DPP10: variants seen among roughly 807,000 people sequenced by gnomAD.
DPP10 encodes inactive dipeptidyl peptidase 10.
DPP10 carries 33 observed loss-of-function variants against 120.9 expected under a neutral mutation model. The ratio of observed to expected loss-of-function variants is 0.27; its 90% CI spans 0.21 to 0.37. The LOEUF is 0.37. DPP10 is among the 10% of genes least tolerant of loss of function. DPP10 has a pLI of 1.00. For missense variants in DPP10, 816 were observed against 942.8 expected, an observed-to-expected ratio of 0.87 and a Z score of 1.76; for synonymous variants, 337 against 326.1, an observed-to-expected ratio of 1.03 and a Z score of -0.36.
chr2:114,453,491 A>G, intron 1 of DPP10, among the ~76,000 whole-genome samples: 1 of 152,164 alleles, frequency 6.6e-6, no homozygotes, highest in South Asian at 2.1e-4. Context: ...CTCATCAAAT[A>G]ATTAGGGTTC....
intron 1 of DPP10, among the ~76,000 whole-genome samples, chr2:115,086,375 C>T (rs573997746): frequency 6.6e-6 from 1 of 152,106 alleles, no homozygotes; most frequent in Non-Finnish European, 1.5e-5. Flanking sequence ...TAAATTTACC[C>T]ATAGCCTGGA....
chr2:115,769,937 A>G (rs1376479294), intron 13 of DPP10, among the ~76,000 whole-genome samples: 1 of 138,218 alleles, frequency 7.2e-6, no homozygotes, highest in Admixed American at 7.2e-5. Context: ...TCAGTATTTT[A>G]TATTCTAGAA....
At chr2:115,577,348 G>A (rs546583454) in intron 5 of DPP10, among the ~76,000 whole-genome samples, 1 of 152,288 alleles carries the variant, frequency 6.6e-6, no homozygotes, top group East Asian at 1.9e-4. Context: ...TGCCTTCCGT[G>A]TTTGCTAATA....
chr2:115,413,109 C>T (rs778322997), intron 3 of DPP10, among the ~76,000 whole-genome samples: 5 of 152,112 alleles, frequency 3.3e-5, no homozygotes, highest in Non-Finnish European at 7.4e-5. Flanking sequence ...CAGCACCATG[C>T]CCCTGAGACC....
At chr2:115,026,295 A>C (rs538377921) in intron 1 of DPP10, among the ~76,000 whole-genome samples, 1 of 151,876 alleles carries the variant, frequency 6.6e-6, no homozygotes, top group African/African-American at 2.4e-5. Context: ...TCTTTTCCTT[A>C]TTGTATGTTC....
At chr2:114,713,150 C>A (rs913230017) in intron 1 of DPP10, among the ~76,000 whole-genome samples, 2 of 152,002 alleles carry the variant, frequency 1.3e-5, no homozygotes, top group African/African-American at 4.8e-5. Flanking sequence ...CCACGCCTGG[C>A]TAATTTTTTG....
intron 1 of DPP10, among the ~76,000 whole-genome samples, chr2:115,064,205 G>T (rs376188877): frequency 6.6e-6 from 1 of 151,588 alleles, no homozygotes; most frequent in Non-Finnish European, 1.5e-5. Context: ...TATAACTCAT[G>T]TTTATTATGC....
chr2:115,464,122 A>G (rs546775927), intron 3 of DPP10, among the ~76,000 whole-genome samples: 17 of 152,080 alleles, frequency 1.1e-4, no homozygotes, highest in African/African-American at 3.1e-4. Flanking sequence ...TGCCGGTCCA[A>G]CTCTACTCTA....
At chr2:114,656,349 A>T (rs926762610) in intron 1 of DPP10, among the ~76,000 whole-genome samples, 12 of 152,140 alleles carry the variant, frequency 7.9e-5, no homozygotes, top group African/African-American at 2.2e-4. Flanking sequence ...GAATGGAAAC[A>T]AAGAAGGGCA....
At chr2:114,607,442 G>C (rs1419567908) in intron 1 of DPP10, among the ~76,000 whole-genome samples, 2 of 152,192 alleles carry the variant, frequency 1.3e-5, no homozygotes, top group Non-Finnish European at 2.9e-5. Flanking sequence ...ACTGCCTCAT[G>C]AAAATGTTCA....
chr2:115,039,329 T>C (rs140414083), intron 1 of DPP10, among the ~76,000 whole-genome samples: 9 of 152,356 alleles, frequency 5.9e-5, no homozygotes, highest in African/African-American at 1.9e-4. Flanking sequence ...TGATAAATTA[T>C]TATATTTTGC....
intron 1 of DPP10, among the ~76,000 whole-genome samples, chr2:114,734,537 A>T (rs1677232572): frequency 6.6e-6 from 1 of 152,140 alleles, no homozygotes; most frequent in Admixed American, 6.6e-5. Context: ...TTGATGTTTC[A>T]TGCCTCCCTG....
intron 1 of DPP10, among the ~76,000 whole-genome samples, chr2:114,663,662 T>TAGAGAGAGAGAGAGAG (rs1407543024): frequency 3.7e-4 from 35 of 94,982 alleles, no homozygotes; most frequent in East Asian, 2.1e-3. Context: ...TATATATATA[T>TAGAGAGAGAGAGAGAG]ATATATAGAG....
At chr2:115,651,701 G>C (rs1295972445) in intron 5 of DPP10, among the ~76,000 whole-genome samples, 1 of 151,942 alleles carries the variant, frequency 6.6e-6, no homozygotes, top group Non-Finnish European at 1.5e-5. Flanking sequence ...ATGGGGACTG[G>C]AAAAGGAAAA....
chr2:115,011,944 C>T (rs190594193), intron 1 of DPP10, among the ~76,000 whole-genome samples: 9 of 152,014 alleles, frequency 5.9e-5, no homozygotes, highest in East Asian at 3.9e-4. Context: ...TGTGGGGTCA[C>T]GGTGGGAGTG....
intron 21 of DPP10, among the ~76,000 whole-genome samples, chr2:115,821,460 C>G (rs1357800160): frequency 6.6e-6 from 1 of 151,966 alleles, no homozygotes; most frequent in Non-Finnish European, 1.5e-5. Flanking sequence ...TTATTTTCAG[C>G]ACTTTCCGAT....
At chr2:115,271,630 T>A (rs1008334924) in intron 1 of DPP10, among the ~76,000 whole-genome samples, 1 of 152,108 alleles carries the variant, frequency 6.6e-6, no homozygotes, top group East Asian at 1.9e-4. Context: ...GAACTAGAAT[T>A]TCAAAATCTA....
At chr2:114,832,961 T>C (rs1687273420) in intron 1 of DPP10, among the ~76,000 whole-genome samples, 1 of 152,200 alleles carries the variant, frequency 6.6e-6, no homozygotes, top group Non-Finnish European at 1.5e-5. Context: ...TCTGTGTGTA[T>C]ACAGAGACAA....
intron 1 of DPP10, among the ~76,000 whole-genome samples, chr2:114,832,259 G>A (rs191913741): frequency 5.6e-4 from 86 of 152,308 alleles, no homozygotes; most frequent in Non-Finnish European, 1.1e-3. Flanking sequence ...CCTGGCCGGG[G>A]GTGGTGGCTC....
Sources: gnomAD v4.1 joint callset for allele counts (sites outside exome capture counted in the v4.1 genomes callset) on GRCh38, gnomAD v4.1.1 for gene constraint, MANE v1.5 for transcripts, NCBI Gene and HGNC (gene_info 2026-07-23, HGNC 2026-07-21) for gene names.